Variants in COL14A1 observed in about 807,000 individuals in gnomAD.
The protein encoded by COL14A1 is collagen alpha-1(XIV) chain.
Under a neutral mutation model 230.3 loss-of-function variants are expected in COL14A1, and 136 were observed. That is an observed-to-expected ratio of 0.59 (90% CI 0.51 to 0.68). COL14A1 has a LOEUF of 0.68. Among genes scored for constraint, COL14A1 ranks in the 30% least tolerant of loss-of-function variants. The pLI is 0.00. For missense variants in COL14A1, 1,976 were observed against 2,215.8 expected, an observed-to-expected ratio of 0.89 and a Z score of 2.17; for synonymous variants, 792 against 784.1, an observed-to-expected ratio of 1.01 and a Z score of -0.17.
At chr8:120,133,768 G>T (rs1163879208) in intron 1 of COL14A1, among the ~76,000 whole-genome samples, 1 of 152,020 alleles carries the variant, frequency 6.6e-6, no homozygotes, top group East Asian at 1.9e-4. Flanking sequence ...AAATATTCTG[G>T]AGATAGTAGC....
In COL14A1 at chr8:120,330,513, T is replaced by G. The variant is rs186238114; in HGVS notation, c.4660-1628T>G. Among the ~76,000 whole-genome samples, 107 of 152,242 alleles carry G rather than the reference T, an allele frequency of 7.0e-4. 1 individual carries two copies. The highest frequency in any genetic ancestry group is 6.7e-3 in the Admixed American group (102 of 15,282). ...AGAGCATGTGCAGGGGAACCCCATTTATAAAACCATCAGATCTTGTGAGAC... is the reference window on the plus strand; with the variant it reads ...AGAGCATGTGCAGGGGAACCCCATTGATAAAACCATCAGATCTTGTGAGAC... On this transcript the variant is annotated intron_variant, in intron 40 of 47. Transcript: ENST00000297848.
chr8:120,274,750 A>C (rs1819786225), intron 26 of COL14A1, among the ~76,000 whole-genome samples: 1 of 151,282 alleles, frequency 6.6e-6, no homozygotes, highest in African/African-American at 2.4e-5. Context: ...CAATAGCTGC[A>C]AAAAAAATAG....
intron 32 of COL14A1, among the ~76,000 whole-genome samples, chr8:120,284,180 C>G (rs986797926): frequency 5.3e-5 from 8 of 152,144 alleles, no homozygotes; most frequent in Non-Finnish European, 1.0e-4. Context: ...GTCAGATTGA[C>G]AGCAGCATAT....
At chr8:120,201,247 G>A (rs1817238557) in intron 8 of COL14A1, among the ~76,000 whole-genome samples, 1 of 152,068 alleles carries the variant, frequency 6.6e-6, no homozygotes, top group Non-Finnish European at 1.5e-5. Flanking sequence ...TTTGAACTTT[G>A]TTTTGGTAAA....
At chr8:120,191,971 C>G (rs992686563) in intron 5 of COL14A1, among the ~76,000 whole-genome samples, 8 of 151,668 alleles carry the variant, frequency 5.3e-5, no homozygotes, top group African/African-American at 1.9e-4. Context: ...CTGAATACAG[C>G]ACACTGATGG....
intron 18 of COL14A1, among the ~76,000 whole-genome samples, chr8:120,229,625 C>T (rs1281345710): frequency 1.3e-5 from 2 of 151,962 alleles, no homozygotes; most frequent in Admixed American, 6.6e-5. Context: ...GGGTATATAC[C>T]CAGTAATGGG....
chr8:120,226,869 G>T (rs965869926), intron 16 of COL14A1, 103 bp downstream of exon 16: 10 of 1,059,440 alleles, frequency 9.4e-6, no homozygotes, highest in African/African-American at 7.9e-5. Flanking sequence ...AATCCCAGAA[G>T]TAATTAGTAT....
chr8:120,313,927 TCCAGGG>T lies in COL14A1; in HGVS notation c.4456-4_4457del. Reference sequence around the variant, plus strand: ...TTAGGATGATACTTCTCTCTTGCCTTCCAGGGACCAGATGGCCCTCGGGGTGAAATT... The same window carrying T: ...TTAGGATGATACTTCTCTCTTGCCTTACCAGATGGCCCTCGGGGTGAAATT... On this transcript the variant is annotated splice_acceptor_variant and splice_polypyrimidine_tract_variant and coding_sequence_variant and intron_variant, in exon 38 of 48. Transcript: ENST00000297848. LOFTEE classifies it high-confidence loss of function. 1 of 1,605,460 alleles carries T rather than the reference TCCAGGG, an allele frequency of 6.2e-7. No individual in the cohort carries two copies. The highest frequency in any genetic ancestry group is 8.5e-7 in the Non-Finnish European group (1 of 1,174,582).
intron 8 of COL14A1, among the ~76,000 whole-genome samples, chr8:120,202,579 A>G (rs117019724): frequency 3.0e-3 from 458 of 152,198 alleles, no homozygotes; most frequent in Non-Finnish European, 4.3e-3. Flanking sequence ...CTCCTTTCCT[A>G]TCTCTAACAT....
intron 19 of COL14A1, among the ~76,000 whole-genome samples, chr8:120,242,907 G>A (rs1263101948): frequency 6.6e-6 from 1 of 152,174 alleles, no homozygotes; most frequent in Non-Finnish European, 1.5e-5. Context: ...TCCAGAAGGA[G>A]ACAGCATCGC....
intron 45 of COL14A1, among the ~76,000 whole-genome samples, chr8:120,360,488 C>T (rs900771990): frequency 1.4e-4 from 22 of 152,188 alleles, no homozygotes; most frequent in Non-Finnish European, 2.6e-4. Flanking sequence ...CCCAGGCATG[C>T]TCTGTTGTCT....
At position 120,227,260 on chromosome 8, in the gene COL14A1, G is replaced by A; in HGVS notation, c.2045G>A (p.Gly682Asp). ...KEEQDSHVIE[G>D]LEPGTEYEVS... The stretch of plus-strand genomic sequence containing the variant: ...GAGCAGGACTCACATGTTATTGAAG[G>A]CCTGGAGCCCGGTACGGAGTATGAA... Residue 682 changes from glycine to aspartate, a missense_variant, in exon 17 of 48, where the codon GGC becomes GAC. By Grantham distance (94) the Gly-to-Asp change is moderately conservative. This residue lies in a region of COL14A1 where 1,791 missense variants were observed against 2,019.5 expected (regional missense o/e 0.89). Transcript: ENST00000297848. 6.2e-7 allele frequency: 1 copy of A among 1,613,928 alleles called. No individual in the cohort carries two copies. Among genetic ancestry groups the A allele is most frequent in the Non-Finnish European group, 8.5e-7 (1 of 1,179,956 alleles).
At chr8:120,366,591 G>T (rs1284999796) in intron 45 of COL14A1, among the ~76,000 whole-genome samples, 1 of 152,178 alleles carries the variant, frequency 6.6e-6, no homozygotes, top group Non-Finnish European at 1.5e-5. Context: ...TTTGTTAATA[G>T]CACTGTAAAT....
chr8:120,297,649 A>C, intron 35 of COL14A1, 61 bp downstream of exon 35: 1 of 1,014,442 alleles, frequency 9.9e-7, no homozygotes, highest in Non-Finnish European at 1.3e-6. Flanking sequence ...TCTGGAAATG[A>C]GAAGCTATTT....
In COL14A1 at chr8:120,247,598, T is replaced by G. The variant is rs1161681917; in HGVS notation, c.2480-15T>G. The G allele has an allele frequency of 6.2e-7, 1 of 1,604,320 alleles. No homozygotes were observed. The highest frequency in any genetic ancestry group is 8.5e-7 in the Non-Finnish European group (1 of 1,175,528). On this transcript the variant is annotated splice_polypyrimidine_tract_variant and intron_variant, in intron 20 of 47. Coordinates refer to ENST00000297848, the MANE Select transcript of COL14A1 (RefSeq NM_021110.4). ...TTACACTGAATCCCTGTTTTTCCTT[T>G]TCTTTTCTACTCAGTACCATCCTCG... is the stretch of plus-strand genomic sequence containing the variant.
At chr8:120,166,919 T>TGTGTG (rs1554600757) in intron 4 of COL14A1, among the ~76,000 whole-genome samples, 8 of 143,962 alleles carry the variant, frequency 5.6e-5, no homozygotes, top group African/African-American at 1.9e-4. Flanking sequence ...TGTGTGTGTG[T>TGTGTG]GTGGTGGTGA....
chr8:120,172,903 A>G (rs975243381), intron 5 of COL14A1, among the ~76,000 whole-genome samples: 6 of 152,190 alleles, frequency 3.9e-5, no homozygotes, highest in Admixed American at 6.5e-5. Flanking sequence ...TGATTGATAA[A>G]TTTCTGGTTA....
chr8:120,190,468 G>A (rs1252950119), intron 5 of COL14A1, among the ~76,000 whole-genome samples: 2 of 152,058 alleles, frequency 1.3e-5, no homozygotes, highest in African/African-American at 4.8e-5. Flanking sequence ...TTCTTTTGCT[G>A]TGCAGAAGCT....
In COL14A1 at chr8:120,367,262, C is replaced by A; in HGVS notation, c.5155+14C>A. ...CTGGACCAGCAGGTAAATCTTCCTT[C>A]CTAACAAGAGACTGCAAATGTATAT... On this transcript the variant is annotated intron_variant, in intron 46 of 47. Coordinates refer to ENST00000297848, the MANE Select transcript of COL14A1 (RefSeq NM_021110.4). 1 of 1,595,680 alleles carries A rather than the reference C, an allele frequency of 6.3e-7. No homozygotes were observed. The highest frequency in any genetic ancestry group is 8.5e-7 in the Non-Finnish European group (1 of 1,170,164).
Sources: allele counts gnomAD v4.1 joint callset (sites outside exome capture counted in the v4.1 genomes callset), GRCh38; gene constraint gnomAD v4.1.1; regional missense constraint gnomAD v4.1.1; transcripts MANE v1.5; gene names NCBI Gene and HGNC (gene_info 2026-07-23, HGNC 2026-07-21).